Variants in DPYS observed in about 807,000 individuals in gnomAD.
The protein encoded by DPYS is dihydropyrimidine amidohydrolase.
DPYS carries 39 observed loss-of-function variants against 50.3 expected under a neutral mutation model. The ratio of observed to expected loss-of-function variants is 0.78; its 90% CI spans 0.60 to 1.01. The LOEUF (loss-of-function observed/expected upper bound fraction) is 1.01, where lower values mean the gene tolerates loss of function less well. Among genes scored for constraint, DPYS ranks in the 50% least tolerant of loss-of-function variants. The pLI, the probability that DPYS is intolerant of heterozygous loss-of-function variation, is 0.00. For missense variants in DPYS, 659 were observed against 680.9 expected (o/e 0.97, Z 0.36); for synonymous variants, 245 against 250.7 (o/e 0.98, Z 0.22).
rs2140493094 is a variant in DPYS, at chr8:104,379,640, T to A, written c.*218A>T. 3.7e-6 allele frequency: 1 copy of A among 270,956 alleles called. No homozygotes were observed. The highest frequency in any genetic ancestry group is 9.3e-5 in the East Asian group (1 of 10,782). The allele number at this position is 270,956 out of a possible 1,614,324, so 16.8% of individuals were successfully genotyped here. On this transcript the variant is annotated 3_prime_UTR_variant, in exon 10 of 10. Coordinates refer to ENST00000351513, the MANE Select transcript of DPYS (RefSeq NM_001385.3). The stretch of plus-strand genomic sequence containing the variant: ...CCACACAGCCTTTCCATCACAATAA[T>A]ATAAATTTATACCTTCAATCTTATG...
intron 7 of DPYS, among the ~76,000 whole-genome samples, chr8:104,411,302 C>A (rs1216086751): frequency 6.6e-6 from 1 of 152,238 alleles, no homozygotes; most frequent in African/African-American, 2.4e-5. Flanking sequence ...CTCGCCTCCA[C>A]CATGTGAGGA....
chr8:104,447,541 T>C (rs1813581157), intron 2 of DPYS, 38 bp from the exon 3 acceptor site: 2 of 1,604,026 alleles, frequency 1.2e-6, no homozygotes, highest in African/African-American at 2.7e-5. Flanking sequence ...AATATGTTAC[T>C]CTAATTTAAA....
intron 7 of DPYS, 32 bp downstream of exon 7, chr8:104,424,215 T>C: frequency 1.2e-6 from 2 of 1,614,036 alleles, no homozygotes; most frequent in Non-Finnish European, 1.7e-6. Context: ...TTCTCCACAA[T>C]GAAGCCAAGG....
intron 7 of DPYS, among the ~76,000 whole-genome samples, chr8:104,406,461 C>T (rs1476615523): frequency 1.3e-5 from 2 of 152,168 alleles, no homozygotes; most frequent in African/African-American, 2.4e-5. Context: ...CACCTTCCCC[C>T]GGATCCTCCT....
intron 7 of DPYS, among the ~76,000 whole-genome samples, chr8:104,397,917 A>G (rs1210865600): frequency 2.0e-5 from 3 of 152,242 alleles, no homozygotes; most frequent in African/African-American, 7.2e-5. Flanking sequence ...TTTTAAACAT[A>G]AAAATACAAT....
intron 8 of DPYS, 85 bp downstream of exon 8, chr8:104,392,699 C>T (rs1811429531): frequency 6.6e-7 from 1 of 1,523,224 alleles, no homozygotes; most frequent in Admixed American, 1.7e-5. Context: ...TGTGTCAACA[C>T]CACTACTACC....
intron 8 of DPYS, among the ~76,000 whole-genome samples, chr8:104,389,041 C>G (rs1811304946): frequency 6.6e-6 from 1 of 152,112 alleles, no homozygotes; most frequent in South Asian, 2.1e-4. Flanking sequence ...ACCTATGTAC[C>G]AAGTACTGGC....
Position 104,444,390 on chromosome 8 carries a change from G to T in DPYS, c.651C>A (p.His217Gln). ...CCACTGCCTCTGGGCGGCACAGCTC[G>T]TGGCCCTCAGGGCCTGTTATCCCCA... The part of the protein sequence containing the change: ...LALGITGPEG[H>Q]ELCRPEAVEA... Residue 217 changes from histidine (H) to glutamine (Q), a missense_variant, in exon 4 of 10, where the codon CAC becomes CAA. Coordinates refer to ENST00000351513, the MANE Select transcript of DPYS (RefSeq NM_001385.3). The T allele has an allele frequency of 6.2e-7, 1 of 1,614,244 alleles. No individual in the cohort carries two copies. Among genetic ancestry groups the T allele is most frequent in the Non-Finnish European group, 8.5e-7 (1 of 1,180,040 alleles).
chr8:104,448,123 C>A (rs1459777727), intron 2 of DPYS, among the ~76,000 whole-genome samples: 1 of 150,636 alleles, frequency 6.6e-6, no homozygotes, highest in Non-Finnish European at 1.5e-5. Flanking sequence ...GGGTCAGGGG[C>A]AAGTTAGTAT....
rs1475863429 is a variant in DPYS at position 104,381,169 on chromosome 8, C to A, written c.*14+15G>T. 16 of 1,603,416 alleles carry A rather than the reference C, an allele frequency of 1.0e-5. No homozygotes were observed. Among genetic ancestry groups the A allele is most frequent in the Non-Finnish European group, 8.5e-7 (1 of 1,171,164 alleles). On this transcript the variant is annotated intron_variant, in intron 9 of 9. Transcript: ENST00000351513. ...CTGTCATGCAGGAAGACTTTTCTTG[C>A]CTACAGTCCCTTACCGATGGCACAC...
intron 7 of DPYS, among the ~76,000 whole-genome samples, chr8:104,396,320 A>T (rs947052200): frequency 2.0e-5 from 3 of 152,236 alleles, no homozygotes; most frequent in African/African-American, 7.2e-5. Flanking sequence ...AGTAAAATGA[A>T]TTAAAAATTT....
At chr8:104,380,338 C>T (rs753467480) in intron 9 of DPYS, among the ~76,000 whole-genome samples, 4 of 152,172 alleles carry the variant, frequency 2.6e-5, no homozygotes, top group African/African-American at 9.7e-5. Flanking sequence ...TTAGGTCAAC[C>T]TCTGGGGTTA....
chr8:104,429,702 C>G lies in DPYS; in HGVS notation c.794-1G>C. ...ATGGGTTCACCATAGACCACCTTCC[C>G]TGGAAAGATTAAAAGAAGCATTCAT... On this transcript the variant is annotated splice_acceptor_variant, in intron 4 of 9. Transcript: ENST00000351513. LOFTEE classifies it high-confidence loss of function. 6.2e-7 allele frequency: 1 copy of G among 1,614,080 alleles called. No individual in the cohort carries two copies. Among genetic ancestry groups the G allele is most frequent in the Non-Finnish European group, 8.5e-7 (1 of 1,180,004 alleles).
chr8:104,441,517 A>T (rs1813356559), intron 4 of DPYS, among the ~76,000 whole-genome samples: 1 of 152,246 alleles, frequency 6.6e-6, no homozygotes, highest in Non-Finnish European at 1.5e-5. Flanking sequence ...AGGGGCCCTT[A>T]AAGTGAAAGA....
chr8:104,411,972 G>A (rs1218192073), intron 7 of DPYS, among the ~76,000 whole-genome samples: 1 of 152,222 alleles, frequency 6.6e-6, no homozygotes, highest in East Asian at 1.9e-4. Context: ...AAGGAAATTA[G>A]GCAATAAGTT....
In DPYS at chr8:104,402,872, C is replaced by A. The variant is rs552142561; in HGVS notation, c.1236-9881G>T. On this transcript the variant is annotated intron_variant, in intron 7 of 9. Coordinates refer to ENST00000351513, the MANE Select transcript of DPYS (RefSeq NM_001385.3). ...AACATGGGGCTTACAACTTAGCTCA[C>A]ACCCGACCAATCAGGTAGTAAAGAG... is the stretch of plus-strand genomic sequence containing the variant. Among the ~76,000 whole-genome samples, 6 of 152,280 alleles carry A rather than the reference C, an allele frequency of 3.9e-5. No homozygotes were observed. In the East Asian group the frequency reaches 1.2e-3, roughly 29 times the overall value.
intron 7 of DPYS, among the ~76,000 whole-genome samples, chr8:104,414,008 G>A (rs1341164857): frequency 6.6e-6 from 1 of 152,188 alleles, no homozygotes; most frequent in African/African-American, 2.4e-5. Context: ...CTGGGAGCCA[G>A]TAACTTTCTT....
chr8:104,384,302 T>C (rs967615280), intron 8 of DPYS, among the ~76,000 whole-genome samples: 1 of 152,240 alleles, frequency 6.6e-6, no homozygotes, highest in Non-Finnish European at 1.5e-5. Context: ...ATCCTTAGAA[T>C]TGGGTTACAT....
chr8:104,389,030 C>A (rs1205985002), intron 8 of DPYS, among the ~76,000 whole-genome samples: 1 of 152,084 alleles, frequency 6.6e-6, no homozygotes, highest in Non-Finnish European at 1.5e-5. Flanking sequence ...TACCAGATGC[C>A]ACCTATGTAC....
Sources: gnomAD v4.1 joint callset for allele counts (sites outside exome capture counted in the v4.1 genomes callset) on GRCh38, gnomAD v4.1.1 for gene constraint, MANE v1.5 for transcripts, NCBI Gene and HGNC (gene_info 2026-07-23, HGNC 2026-07-21) for gene names.